The following HSPA12A variants were observed in gnomAD, a reference collection of about 807,000 sequenced individuals.
HSPA12A encodes the protein heat shock protein family A (Hsp70) member 12A, also known as heat shock 70 kDa protein 12A.
HSPA12A carries 28 observed loss-of-function variants against 69.2 expected under a neutral mutation model. That is an observed-to-expected ratio of 0.40 (90% CI 0.30 to 0.55). The LOEUF (loss-of-function observed/expected upper bound fraction) is 0.55, where lower values mean the gene tolerates loss of function less well. HSPA12A is among the 20% of genes least tolerant of loss of function. The pLI, the probability that HSPA12A is intolerant of heterozygous loss-of-function variation, is 0.38. For missense variants in HSPA12A, 686 were observed against 900.7 expected (o/e 0.76, Z 3.05); for synonymous variants, 345 against 370.5 (o/e 0.93, Z 0.79).
rs966172616 is a variant in HSPA12A, at chr10:116,723,096, C to G, written c.41-15811G>C. On this transcript the variant is annotated intron_variant, in intron 1 of 11. Coordinates refer to ENST00000369209, the MANE Select transcript of HSPA12A (RefSeq NM_025015.3). The surrounding 1 kb of genome is among the most constrained non-coding windows in gnomAD (Gnocchi z 4.1). ...GTCCCACTGGATCACATCACAACCACCACCATCATCATGTCACTCCCAGCC... is the reference window on the plus strand; with the variant it reads ...GTCCCACTGGATCACATCACAACCAGCACCATCATCATGTCACTCCCAGCC... Among the ~76,000 whole-genome samples, 11 of 152,186 alleles carry G rather than the reference C, an allele frequency of 7.2e-5. No homozygotes were observed. Among genetic ancestry groups the G allele is most frequent in the African/African-American group, 2.7e-4 (11 of 41,448 alleles).
chr10:116,678,406 G>A (rs910731893), intron 10 of HSPA12A, among the ~76,000 whole-genome samples: 1 of 138,980 alleles, frequency 7.2e-6, no homozygotes, highest in Non-Finnish European at 1.5e-5. Flanking sequence ...GTAACACCAC[G>A]GACGTGAGAT....
chr10:116,705,414 C>T (rs146048370), intron 2 of HSPA12A, 136 bp from the exon 3 acceptor site: 2 of 1,090,032 alleles, frequency 1.8e-6, no homozygotes, highest in Non-Finnish European at 2.7e-6. Context: ...CAGCTCAAGT[C>T]TACCACCTGG....
intron 1 of HSPA12A, among the ~76,000 whole-genome samples, chr10:116,707,724 G>C (rs557633699): frequency 6.6e-6 from 1 of 152,292 alleles, no homozygotes; most frequent in East Asian, 1.9e-4. Context: ...GGTTCCCAAA[G>C]GGGTGAGGGG....
chr10:116,676,076 C>A (rs566125426), intron 11 of HSPA12A, among the ~76,000 whole-genome samples: 18 of 152,330 alleles, frequency 1.2e-4, no homozygotes, highest in Middle Eastern at 3.4e-3. Flanking sequence ...GCTCTCTGAT[C>A]TTTTTTGTTG....
At chr10:116,816,489 TTCACAGCACCCAAA>T (rs971260048) in intron 2 of HSPA12A, among the ~76,000 whole-genome samples, 1 of 152,312 alleles carries the variant, frequency 6.6e-6, no homozygotes, top group Middle Eastern at 3.4e-3. Flanking sequence ...AACTCCAAAC[TTCACAGCACCCAAA>T]TCATGTCACT....
chr10:116,815,777 C>A (rs955909334), intron 2 of HSPA12A, among the ~76,000 whole-genome samples: 4 of 152,178 alleles, frequency 2.6e-5, no homozygotes, highest in Non-Finnish European at 2.9e-5. Flanking sequence ...GTGCACTCTG[C>A]CTGCTGCTCG....
rs71013609 is a variant in HSPA12A, at chr10:116,696,002, C to CAAAAAAAAAAAAAAAAAAAAAAAAAAAA, written c.546+2632_546+2633insTTTTTTTTTTTTTTTTTTTTTTTTTTTT. Among the ~76,000 whole-genome samples, 8 of 32,724 alleles carry CAAAAAAAAAAAAAAAAAAAAAAAAAAAA rather than the reference C, an allele frequency of 2.4e-4. 2 individuals are homozygous for CAAAAAAAAAAAAAAAAAAAAAAAAAAAA. Among genetic ancestry groups the CAAAAAAAAAAAAAAAAAAAAAAAAAAAA allele is most frequent in the East Asian group, 9.4e-4 (1 of 1,068 alleles). 21.5% of individuals were successfully genotyped at this position (32,724 alleles called of 152,430 possible). A position where few individuals can be genotyped will look rare whatever the true frequency, so the allele number is the denominator to read the frequency against. ...TGGGCAACAGAGAGAGACTCCATCT[C>CAAAAAAAAAAAAAAAAAAAAAAAAAAAA]AAAAAAAAAAAAAAAAAAAAAGGCT... is the stretch of plus-strand genomic sequence containing the variant. On this transcript the variant is annotated intron_variant, in intron 5 of 11. Coordinates refer to ENST00000369209, the MANE Select transcript of HSPA12A (RefSeq NM_025015.3).
At chr10:116,809,185 T>C (rs1056982290) in intron 2 of HSPA12A, among the ~76,000 whole-genome samples, 4 of 152,062 alleles carry the variant, frequency 2.6e-5, no homozygotes, top group Non-Finnish European at 4.4e-5. Context: ...GGCAGAGGCT[T>C]TTCCTGACAT....
At chr10:116,834,030 A>T (rs1383447359) in intron 2 of HSPA12A, among the ~76,000 whole-genome samples, 3 of 152,232 alleles carry the variant, frequency 2.0e-5, no homozygotes, top group Admixed American at 6.5e-5. Flanking sequence ...AAGACAAGAC[A>T]GGCAAAGGGG....
intron 1 of HSPA12A, among the ~76,000 whole-genome samples, chr10:116,838,334 T>C (rs1330382523): frequency 1.3e-5 from 2 of 152,198 alleles, no homozygotes; most frequent in Non-Finnish European, 2.9e-5. Context: ...GCTGGCCTGC[T>C]GCTGGTCCTC....
chr10:116,808,767 T>C (rs531606990), intron 2 of HSPA12A, among the ~76,000 whole-genome samples: 2 of 152,278 alleles, frequency 1.3e-5, no homozygotes, highest in Admixed American at 6.5e-5. Context: ...TCAGATCCAG[T>C]TGGTCTCCGA....
At position 116,723,418 on chromosome 10, in the gene HSPA12A, G is replaced by T. The variant is rs1309438535; in HGVS notation, c.41-16133C>A. ...GCCCCAAGCTGTTCTTCCAGGGGCA[G>T]GGGACGGGGCTGAGGACCCCGAATG... is the stretch of plus-strand genomic sequence containing the variant. On this transcript the variant is annotated intron_variant, in intron 1 of 11. Coordinates refer to ENST00000369209, the MANE Select transcript of HSPA12A (RefSeq NM_025015.3). This position sits in a 1 kb window ranked among gnomAD's most constrained non-coding sequence, Gnocchi z 4.1. Among the ~76,000 whole-genome samples the T allele has an allele frequency of 1.3e-5, 2 of 152,172 alleles. No individual in the cohort carries two copies. Among genetic ancestry groups the T allele is most frequent in the African/African-American group, 2.4e-5 (1 of 41,438 alleles).
intron 2 of HSPA12A, among the ~76,000 whole-genome samples, chr10:116,794,035 A>G (rs1188192387): frequency 2.0e-5 from 3 of 152,020 alleles, no homozygotes; most frequent in African/African-American, 7.2e-5. Context: ...TGTCTCTACT[A>G]AAAAATACTA....
At chr10:116,693,286 C>T (rs112227848) in intron 5 of HSPA12A, among the ~76,000 whole-genome samples, 2 of 152,254 alleles carry the variant, frequency 1.3e-5, no homozygotes, top group African/African-American at 2.4e-5. Context: ...TAAGGTTAAA[C>T]GACATCACTG....
chr10:116,756,277 C>T (rs769658048), intron 2 of HSPA12A, among the ~76,000 whole-genome samples: 84 of 152,366 alleles, frequency 5.5e-4, no homozygotes, highest in Non-Finnish European at 7.5e-4. Context: ...CTCTGGCTCT[C>T]GCCATTTGAT....
chr10:116,752,633 T>A (rs1851799097), intron 2 of HSPA12A, among the ~76,000 whole-genome samples: 1 of 152,182 alleles, frequency 6.6e-6, no homozygotes, highest in Admixed American at 6.5e-5. Context: ...ATCTTCTGCT[T>A]CAGGGAGCAA....
chr10:116,742,573 C>T (rs1851550539), upstream of HSPA12A: 1 of 1,144,868 alleles, frequency 8.7e-7, no homozygotes, highest in African/African-American at 1.6e-5. Context: ...GTCTGAGCCG[C>T]CGGGCAGCGG....
At chr10:116,709,753 A>G (rs1262115310) in intron 1 of HSPA12A, among the ~76,000 whole-genome samples, 9 of 152,182 alleles carry the variant, frequency 5.9e-5, no homozygotes, top group Admixed American at 2.0e-4. Context: ...TGGGGTAGTG[A>G]AAAATTTTGG....
intron 2 of HSPA12A, among the ~76,000 whole-genome samples, chr10:116,779,927 C>T (rs1228804909): frequency 6.6e-6 from 1 of 152,168 alleles, no homozygotes; most frequent in East Asian, 1.9e-4. Flanking sequence ...AGCCACCCTT[C>T]CCCTAGAACA....
Sources: gnomAD v4.1 joint callset for allele counts (sites outside exome capture counted in the v4.1 genomes callset) on GRCh38, gnomAD v4.1.1 for gene constraint, Gnocchi (gnomAD v3.1) non-coding constraint, MANE v1.5 for transcripts, NCBI Gene and HGNC (gene_info 2026-07-23, HGNC 2026-07-21) for gene names.